IL19: variants seen among roughly 807,000 people sequenced by gnomAD.
IL19 encodes interleukin-19.
In IL19, 15 loss-of-function variants were observed where a neutral mutation model predicts 19.5. The ratio of observed to expected loss-of-function variants is 0.77; its 90% CI spans 0.52 to 1.19. The LOEUF (loss-of-function observed/expected upper bound fraction) is 1.19, where lower values mean the gene tolerates loss of function less well. Among genes scored for constraint, IL19 ranks in the 50% most tolerant of loss-of-function variants. The pLI is 0.00. For synonymous variants in IL19, 78 were observed against 78.3 expected (o/e 1.00, Z 0.02); for missense variants, 199 against 213.1 (o/e 0.93, Z 0.41).
chr1:206,786,173 T>A (rs964143932), intron 1 of IL19, among the ~76,000 whole-genome samples: 4 of 152,182 alleles, frequency 2.6e-5, no homozygotes, highest in African/African-American at 9.7e-5. Flanking sequence ...TAATGATACT[T>A]ACCTGCTGGC....
chr1:206,826,914 A>G (rs944384617), intron 2 of IL19, among the ~76,000 whole-genome samples: 2 of 152,192 alleles, frequency 1.3e-5, no homozygotes, highest in Non-Finnish European at 2.9e-5. Flanking sequence ...CTGGACTGAG[A>G]GTTCAGGGAT....
At chr1:206,832,890 C>T (rs561273519) in intron 2 of IL19, among the ~76,000 whole-genome samples, 142 of 152,312 alleles carry the variant, frequency 9.3e-4, no homozygotes, top group Admixed American at 2.6e-3. Flanking sequence ...CTTTCCCTTG[C>T]ACCTGTCCCG....
At chr1:206,812,793 G>A (rs1194272589) in intron 2 of IL19, among the ~76,000 whole-genome samples, 3 of 152,102 alleles carry the variant, frequency 2.0e-5, no homozygotes, top group Non-Finnish European at 2.9e-5. Context: ...CTAGTTAGTT[G>A]CTTACTGTGT....
At chr1:206,836,933 T>A (rs1558623044) in intron 3 of IL19, 25 bp from the exon 4 acceptor site, 1 of 1,610,854 alleles carries the variant, frequency 6.2e-7, no homozygotes, top group South Asian at 1.1e-5. Flanking sequence ...ATTGCTTATG[T>A]CTGTTCTTAT....
At chr1:206,840,120 C>CG in intron 5 of IL19, 118 bp downstream of exon 5, 6 of 1,131,678 alleles carry the variant, frequency 5.3e-6, no homozygotes, top group Non-Finnish European at 8.0e-6. Flanking sequence ...AAATTCTCTG[C>CG]GCACGTCCAC....
intron 1 of IL19, among the ~76,000 whole-genome samples, chr1:206,779,127 C>T (rs1017012269): frequency 3.9e-5 from 6 of 152,208 alleles, no homozygotes; most frequent in Admixed American, 2.0e-4. Flanking sequence ...TAAAATCCCT[C>T]GTGGCTTGGA....
intron 2 of IL19, among the ~76,000 whole-genome samples, chr1:206,817,522 A>T (rs75818243): frequency 3.6e-4 from 55 of 152,320 alleles, no homozygotes; most frequent in African/African-American, 1.3e-3. Context: ...GGCTATCTAC[A>T]TATGTCTACC....
intron 2 of IL19, among the ~76,000 whole-genome samples, chr1:206,804,272 C>G (rs1675789772): frequency 6.6e-6 from 1 of 152,206 alleles, no homozygotes; most frequent in Admixed American, 6.5e-5. Flanking sequence ...TAACATCTGT[C>G]CGAGTCATGA....
intron 6 of IL19, among the ~76,000 whole-genome samples, chr1:206,841,439 C>T (rs1030221712): frequency 3.5e-4 from 53 of 152,188 alleles, no homozygotes; most frequent in African/African-American, 3.1e-4. Context: ...GCCGTCACTG[C>T]GATCACTACC....
rs576719876 is a variant in IL19 at position 206,826,422 on chromosome 1, G to A, written c.-2-10239G>A. Among the ~76,000 whole-genome samples the A allele has an allele frequency of 2.0e-5, 3 of 152,194 alleles. No individual in the cohort carries two copies. The South Asian group carries it at 6.2e-4, about 32-fold the overall frequency. ...GATTTGAGGAGCTGGGATGGTAGTA[G>A]GGGAGAGGGCAGCTGGGTGGGGTTT... On this transcript the variant is annotated intron_variant, in intron 2 of 6. Coordinates refer to ENST00000659997, the MANE Select transcript of IL19 (RefSeq NM_153758.5).
intron 2 of IL19, among the ~76,000 whole-genome samples, chr1:206,804,905 G>A (rs1675807588): frequency 6.6e-6 from 1 of 152,232 alleles, no homozygotes; most frequent in African/African-American, 2.4e-5. Context: ...GAATCCCAGA[G>A]AAATGCTCTT....
At chr1:206,837,417 T>C (rs1297581906) in intron 4 of IL19, among the ~76,000 whole-genome samples, 3 of 151,930 alleles carry the variant, frequency 2.0e-5, no homozygotes, top group Non-Finnish European at 4.4e-5. Flanking sequence ...GGGTGTAAGA[T>C]CAGTGAAGGT....
intron 2 of IL19, among the ~76,000 whole-genome samples, chr1:206,818,359 TAGAA>T (rs1676215086): frequency 6.6e-6 from 1 of 152,190 alleles, no homozygotes; most frequent in South Asian, 2.1e-4. Context: ...TACTAAGCAT[TAGAA>T]AGAAATTAAT....
At chr1:206,817,281 A>G (rs1355808778) in intron 2 of IL19, among the ~76,000 whole-genome samples, 1 of 152,180 alleles carries the variant, frequency 6.6e-6, no homozygotes, top group African/African-American at 2.4e-5. Flanking sequence ...CCTTCCACCA[A>G]TCACCTACTG....
At chr1:206,834,103 T>C (rs57750293) in intron 2 of IL19, 1 of 985,586 alleles carries the variant, frequency 1.0e-6, no homozygotes, top group African/African-American at 1.7e-5. Context: ...CAAAAAATTC[T>C]CATTTGCATG....
chr1:206,791,528 C>T (rs1263290122), intron 1 of IL19, among the ~76,000 whole-genome samples: 1 of 152,160 alleles, frequency 6.6e-6, no homozygotes, highest in Non-Finnish European at 1.5e-5. Flanking sequence ...GTCTCGAACT[C>T]CTGGCCTCAA....
intron 1 of IL19, among the ~76,000 whole-genome samples, chr1:206,795,923 A>G (rs1675509958): frequency 9.2e-6 from 1 of 109,080 alleles, no homozygotes; most frequent in Admixed American, 8.3e-5. Flanking sequence ...ATATAAATAT[A>G]TATATGTGTG....
intron 6 of IL19, 94 bp downstream of exon 6, chr1:206,841,172 A>C (rs987225662): frequency 2.2e-6 from 2 of 925,454 alleles, no homozygotes; most frequent in African/African-American, 3.3e-5. Flanking sequence ...AAATTCATGC[A>C]TTCACTCTAT....
intron 2 of IL19, among the ~76,000 whole-genome samples, chr1:206,799,279 T>C (rs1417341780): frequency 6.6e-6 from 1 of 152,078 alleles, no homozygotes; most frequent in Non-Finnish European, 1.5e-5. Context: ...CCCTTCCCCA[T>C]CAGCTCCCAT....
Sources: gnomAD v4.1 joint callset for allele counts (sites outside exome capture counted in the v4.1 genomes callset) on GRCh38, gnomAD v4.1.1 for gene constraint, MANE v1.5 for transcripts, NCBI Gene and HGNC (gene_info 2026-07-23, HGNC 2026-07-21) for gene names.